M1AP: variants seen among roughly 807,000 people sequenced by gnomAD.
The protein encoded by M1AP is meiosis 1 arrest protein.
Under a neutral mutation model 51.2 loss-of-function variants are expected in M1AP, and 39 were observed. The observed-to-expected ratio is 0.76, with a 90% confidence interval of 0.59 to 1.00. The LOEUF (loss-of-function observed/expected upper bound fraction) is 1.00, where lower values mean the gene tolerates loss of function less well. M1AP is among the 50% of genes least tolerant of loss of function. M1AP has a pLI of 0.00. For synonymous variants in M1AP, 251 were observed against 249.2 expected (o/e 1.01, Z -0.07); for missense variants, 545 against 641.2 (o/e 0.85, Z 1.62).
chr2:74,614,945 A>G lies in M1AP; in HGVS notation c.426+19T>C. On this transcript the variant is annotated intron_variant, in intron 3 of 10. Transcript: ENST00000421985. ...AAATCGGAACACAGCTTGGAGTCCT[A>G]AAGGCCAGCATCACTTACCTCCAGG... 1.2e-6 allele frequency: 2 copies of G among 1,611,396 alleles called. No homozygotes were observed. Among genetic ancestry groups the G allele is most frequent in the African/African-American group, 1.3e-5 (1 of 74,984 alleles).
chr2:74,581,875 C>A, intron 4 of M1AP, 28 bp from the exon 5 acceptor site: 1 of 1,576,090 alleles, frequency 6.3e-7, no homozygotes, highest in South Asian at 1.1e-5. Flanking sequence ...ATAAAGTGTT[C>A]ACTTAGATTG....
chr2:74,598,858 G>C (rs1680508421), intron 4 of M1AP, among the ~76,000 whole-genome samples: 1 of 152,036 alleles, frequency 6.6e-6, no homozygotes, highest in South Asian at 2.1e-4. Flanking sequence ...CTGGGCTCAA[G>C]TGATCCTCCT....
intron 5 of M1AP, among the ~76,000 whole-genome samples, chr2:74,580,088 T>A (rs375002347): frequency 3.3e-5 from 5 of 152,260 alleles, no homozygotes; most frequent in African/African-American, 1.2e-4. Flanking sequence ...ATTACAGGAG[T>A]AAGCCACTGC....
chr2:74,640,240 A>G lies in M1AP; in HGVS notation c.36T>C (p.Ser12=), dbSNP rs1369821507. 1 of 1,614,104 alleles carries G rather than the reference A, an allele frequency of 6.2e-7. No individual in the cohort carries two copies. Among genetic ancestry groups the G allele is most frequent in the Non-Finnish European group, 8.5e-7 (1 of 1,179,948 alleles). ...GTTGCTGGTCAATCTGAGTGTGAGT[A>G]GAGGGCCCTTTACCAGTAGTTCGCC... ...HPGRTTGKGP[S]THTQIDQQPP... Residue 12 remains serine (S), a synonymous_variant, in exon 2 of 11, where the codon TCT becomes TCC. Coordinates refer to ENST00000421985, the MANE Select transcript of M1AP (RefSeq NM_001321739.2).
intron 7 of M1AP, among the ~76,000 whole-genome samples, chr2:74,574,230 C>T (rs1678920943): frequency 6.6e-6 from 1 of 152,190 alleles, no homozygotes; most frequent in South Asian, 2.1e-4. Context: ...TTTAATTTTG[C>T]TAAGTGTTGT....
intron 5 of M1AP, among the ~76,000 whole-genome samples, chr2:74,579,611 GAC>G (rs749255915): frequency 1.6e-4 from 24 of 152,176 alleles, no homozygotes; most frequent in Non-Finnish European, 3.4e-4. Context: ...TTGATTCTAA[GAC>G]ACATTTTTTT....
In M1AP at chr2:74,562,366, T is replaced by C. The variant is rs976932817; in HGVS notation, c.1132A>G (p.Arg378Gly). 1.2e-6 allele frequency: 2 copies of C among 1,614,262 alleles called. No homozygotes were observed. The highest frequency in any genetic ancestry group is 1.7e-5 in the Admixed American group (1 of 60,034). Reference protein sequence around the residue: ...GEPPGPGHSQRIPASTFYVIM... With the variant: ...GEPPGPGHSQGIPASTFYVIM... Reference sequence around the variant, plus strand: ...ACATAGAAGGTGCTGGCAGGAATTCTCTGGCTGTGTCCTGGGCCCGGTGGT... The same window carrying C: ...ACATAGAAGGTGCTGGCAGGAATTCCCTGGCTGTGTCCTGGGCCCGGTGGT... The change falls in exon 8 of 11, where the codon AGA (arginine) becomes GGA (glycine). Residue 378 changes from arginine (R) to glycine (G), a missense_variant. Transcript: ENST00000421985.
chr2:74,609,628 C>G (rs1288792363), intron 3 of M1AP, among the ~76,000 whole-genome samples: 5 of 152,080 alleles, frequency 3.3e-5, no homozygotes, highest in African/African-American at 1.2e-4. Flanking sequence ...TTTTGAGGAA[C>G]CTTCATATTG....
At position 74,615,163 on chromosome 2, in the gene M1AP, C is replaced by G. The variant is rs191288341; in HGVS notation, c.241-14G>C. ...CCCTTTCACTTGCTGCAGAGAAAAA[C>G]GAATCAAAGACACAAGTCTTTAGGG... On this transcript the variant is annotated splice_polypyrimidine_tract_variant and intron_variant, in intron 2 of 10. Coordinates refer to ENST00000421985, the MANE Select transcript of M1AP (RefSeq NM_001321739.2). 78 of 1,612,948 alleles carry G rather than the reference C, an allele frequency of 4.8e-5. No homozygotes were observed. The highest frequency in any genetic ancestry group is 3.6e-4 in the South Asian group (33 of 91,058).
intron 4 of M1AP, among the ~76,000 whole-genome samples, chr2:74,582,270 A>C (rs1036423710): frequency 6.6e-6 from 1 of 152,102 alleles, no homozygotes; most frequent in African/African-American, 2.4e-5. Context: ...TGATCCATTG[A>C]CTGTATCTCT....
chr2:74,593,707 T>G (rs1187556232), intron 4 of M1AP, among the ~76,000 whole-genome samples: 3 of 152,182 alleles, frequency 2.0e-5, no homozygotes, highest in Non-Finnish European at 4.4e-5. Context: ...ATCAACTACC[T>G]GAAGGCTCTG....
intron 1 of M1AP, among the ~76,000 whole-genome samples, chr2:74,641,206 C>A (rs1048271906): frequency 6.6e-6 from 1 of 152,192 alleles, no homozygotes; most frequent in Non-Finnish European, 1.5e-5. Flanking sequence ...TTCTTCGCCT[C>A]AAGATTTTCA....
chr2:74,640,377 G>A, intron 1 of M1AP, 50 bp from the exon 2 acceptor site: 1 of 1,430,460 alleles, frequency 7.0e-7, no homozygotes, highest in Non-Finnish European at 9.5e-7. Flanking sequence ...AATTATGTGT[G>A]CTCTGTTGAA....
intron 2 of M1AP, among the ~76,000 whole-genome samples, chr2:74,623,006 CAAAGA>C (rs1170864271): frequency 2.8e-5 from 4 of 145,156 alleles, no homozygotes; most frequent in Non-Finnish European, 4.5e-5. Context: ...GAGAAGCAAG[CAAAGA>C]AAAGGCAGGA....
chr2:74,559,864 T>C (rs1677784836), intron 9 of M1AP, among the ~76,000 whole-genome samples, 155 bp from the exon 10 acceptor site: 1 of 152,258 alleles, frequency 6.6e-6, no homozygotes, highest in Admixed American at 6.5e-5. Flanking sequence ...GTGGTTATAG[T>C]TCCTGTGTAG....
At chr2:74,589,961 G>T (rs571952159) in intron 4 of M1AP, among the ~76,000 whole-genome samples, 2 of 152,222 alleles carry the variant, frequency 1.3e-5, no homozygotes, top group Non-Finnish European at 2.9e-5. Flanking sequence ...TAGCTGATGA[G>T]CTTAAAAACA....
intron 1 of M1AP, 112 bp downstream of exon 1, chr2:74,648,153 C>A: frequency 1.0e-6 from 1 of 961,008 alleles, no homozygotes; most frequent in Non-Finnish European, 1.2e-6. Flanking sequence ...GCCAGCGCAA[C>A]CAACACCTGC....
At chr2:74,600,894 T>C (rs1361828358) in intron 4 of M1AP, among the ~76,000 whole-genome samples, 1 of 152,146 alleles carries the variant, frequency 6.6e-6, no homozygotes, top group African/African-American at 2.4e-5. Flanking sequence ...TCTTATATTC[T>C]TAATAAATAC....
rs893850776 is a variant in M1AP, at chr2:74,628,635, T to C, written c.240+11401A>G. ...AGACTTTCTAGATTCAAACACCCAA[T>C]GGTTCTTTCCATCTTCATCAATGTG... is the stretch of plus-strand genomic sequence containing the variant. On this transcript the variant is annotated intron_variant, in intron 2 of 10. Transcript: ENST00000421985. The C allele has an allele frequency of 4.7e-5, 32 of 681,238 alleles. 2 individuals are homozygous for C. In the African/African-American group the frequency reaches 5.3e-4, roughly 11 times the overall value. The allele number at this position is 681,238 out of a possible 1,614,324, so 42.2% of individuals were successfully genotyped here.
Sources: allele counts gnomAD v4.1 joint callset (sites outside exome capture counted in the v4.1 genomes callset), GRCh38; gene constraint gnomAD v4.1.1; transcripts MANE v1.5; gene names NCBI Gene and HGNC (gene_info 2026-07-23, HGNC 2026-07-21).